Variants in SGCZ observed in about 807,000 individuals in gnomAD.
SGCZ encodes the protein sarcoglycan zeta.
Under a neutral mutation model 41.3 loss-of-function variants are expected in SGCZ, and 40 were observed. The ratio of observed to expected loss-of-function variants is 0.97; its 90% CI spans 0.75 to 1.26. The LOEUF (loss-of-function observed/expected upper bound fraction) is 1.26. Ranked by LOEUF, SGCZ falls within the 50% of genes most tolerant of loss-of-function variation. The pLI, the probability that SGCZ is intolerant of heterozygous loss-of-function variation, is 0.00. For synonymous variants in SGCZ, 206 were observed against 137.5 expected (o/e 1.50, Z -3.49); for missense variants, 552 against 369.8 (o/e 1.49, Z -4.04).
At chr8:15,069,641 T>C (rs900339875) in intron 1 of SGCZ, among the ~76,000 whole-genome samples, 1 of 152,214 alleles carries the variant, frequency 6.6e-6, no homozygotes, top group African/African-American at 2.4e-5. Context: ...AGCACTATCT[T>C]ACTTTTGCTT....
At chr8:14,158,894 G>C (rs1205338464) in intron 5 of SGCZ, among the ~76,000 whole-genome samples, 2 of 151,834 alleles carry the variant, frequency 1.3e-5, no homozygotes, top group Non-Finnish European at 2.9e-5. Flanking sequence ...TCAGCCTCTC[G>C]AGTAGCTGGG....
At chr8:14,658,819 T>A (rs1807657743) in intron 1 of SGCZ, among the ~76,000 whole-genome samples, 1 of 151,272 alleles carries the variant, frequency 6.6e-6, no homozygotes, top group Admixed American at 6.6e-5. Context: ...TAGAAGAGTA[T>A]CTAGCAGAGA....
intron 1 of SGCZ, among the ~76,000 whole-genome samples, chr8:14,878,802 G>A (rs369774251): frequency 1.3e-5 from 2 of 152,202 alleles, no homozygotes; most frequent in Admixed American, 6.5e-5. Flanking sequence ...GTAATGAGAA[G>A]AGGAGTGTGA....
At chr8:14,609,552 A>G (rs998067788) in intron 1 of SGCZ, among the ~76,000 whole-genome samples, 10 of 152,226 alleles carry the variant, frequency 6.6e-5, no homozygotes, top group Non-Finnish European at 8.8e-5. Flanking sequence ...TCCTCAATTT[A>G]TCAACACTAT....
chr8:14,639,453 A>G (rs911691610), intron 1 of SGCZ, among the ~76,000 whole-genome samples: 1 of 151,664 alleles, frequency 6.6e-6, no homozygotes, highest in African/African-American at 2.4e-5. Context: ...GATATTAGGA[A>G]TTACCAAGGG....
In SGCZ at chr8:14,645,946, T is replaced by C. The variant is rs74872035; in HGVS notation, c.40-91020A>G. Among the ~76,000 whole-genome samples, 590 of 151,932 alleles carry C rather than the reference T, an allele frequency of 3.9e-3. 6 individuals carry two copies. The highest frequency in any genetic ancestry group is 0.014 in the African/African-American group (570 of 41,514). On this transcript the variant is annotated intron_variant, in intron 1 of 7. Coordinates refer to ENST00000382080, the MANE Select transcript of SGCZ (RefSeq NM_139167.4). ...TGCTTTCTTCAACCTGTTCTCTTACTATGCACAACTTTATTCTATAAAAAC... is the reference window on the plus strand; with the variant it reads ...TGCTTTCTTCAACCTGTTCTCTTACCATGCACAACTTTATTCTATAAAAAC...
chr8:14,637,437 A>T lies in SGCZ; in HGVS notation c.40-82511T>A, dbSNP rs1588436. Among the ~76,000 whole-genome samples, 1,070 of 151,508 alleles carry T rather than the reference A, an allele frequency of 7.1e-3. 9 individuals are homozygous for T. Among genetic ancestry groups the T allele is most frequent in the African/African-American group, 0.025 (1,018 of 41,344 alleles). On this transcript the variant is annotated intron_variant, in intron 1 of 7. Transcript: ENST00000382080. ...ATCACTCAGATAATGAACATAGTAC[A>T]GAATAGGCGATTTTTCAACCCACAT...
intron 2 of SGCZ, among the ~76,000 whole-genome samples, chr8:14,327,534 T>C (rs1475816496): frequency 1.3e-5 from 2 of 152,274 alleles, no homozygotes; most frequent in Non-Finnish European, 2.9e-5. Context: ...TCTAACACAA[T>C]TGTAATTCCC....
chr8:14,695,015 A>G (rs981577471), intron 1 of SGCZ, among the ~76,000 whole-genome samples: 13 of 152,216 alleles, frequency 8.5e-5, no homozygotes, highest in South Asian at 2.1e-4. Flanking sequence ...GACAAGGGAT[A>G]AAAGAGCAGA....
intron 1 of SGCZ, among the ~76,000 whole-genome samples, chr8:15,083,409 T>A (rs1165766512): frequency 2.6e-5 from 4 of 152,212 alleles, no homozygotes; most frequent in African/African-American, 9.6e-5. Context: ...ATATCTAAGG[T>A]AAATTATTTG....
chr8:14,872,268 G>C (rs1032147000), intron 1 of SGCZ, among the ~76,000 whole-genome samples: 1 of 152,006 alleles, frequency 6.6e-6, no homozygotes, highest in African/African-American at 2.4e-5. Context: ...GTATACCTAT[G>C]TAACAAACCT....
intron 1 of SGCZ, among the ~76,000 whole-genome samples, chr8:14,961,469 A>T (rs1162435844): frequency 6.6e-6 from 1 of 152,082 alleles, no homozygotes; most frequent in East Asian, 1.9e-4. Flanking sequence ...CCATACAATA[A>T]GGTATTTTGA....
chr8:14,849,479 C>G (rs530280725), intron 1 of SGCZ, among the ~76,000 whole-genome samples: 67 of 152,078 alleles, frequency 4.4e-4, no homozygotes, highest in African/African-American at 1.6e-3. Flanking sequence ...TAAACAGAAT[C>G]AGAATAAACT....
chr8:14,491,960 A>G (rs967692240), intron 2 of SGCZ, among the ~76,000 whole-genome samples: 1 of 144,846 alleles, frequency 6.9e-6, no homozygotes, highest in African/African-American at 2.4e-5. Flanking sequence ...AAATTGTTCA[A>G]TAAATCTAAG....
chr8:14,574,888 G>A (rs2117240895), intron 1 of SGCZ, among the ~76,000 whole-genome samples: 1 of 152,090 alleles, frequency 6.6e-6, no homozygotes, highest in Middle Eastern at 3.4e-3. Context: ...GAGCAACACT[G>A]AAAAAATATG....
chr8:14,139,863 C>A (rs1286628007), intron 5 of SGCZ, among the ~76,000 whole-genome samples: 1 of 152,126 alleles, frequency 6.6e-6, no homozygotes, highest in Non-Finnish European at 1.5e-5. Flanking sequence ...GACACCAAAG[C>A]CTGGCAGAGA....
At chr8:14,611,265 T>A (rs896154435) in intron 1 of SGCZ, among the ~76,000 whole-genome samples, 21 of 152,186 alleles carry the variant, frequency 1.4e-4, no homozygotes, top group Admixed American at 1.4e-3. Flanking sequence ...ATGCCTATCA[T>A]TTTTATTCCC....
chr8:15,043,342 T>C (rs986021017), intron 1 of SGCZ, among the ~76,000 whole-genome samples: 1 of 152,180 alleles, frequency 6.6e-6, no homozygotes, highest in Non-Finnish European at 1.5e-5. Context: ...CCTTATATAA[T>C]TTTCAGTTAA....
chr8:14,695,587 T>G (rs1489651299), intron 1 of SGCZ, among the ~76,000 whole-genome samples: 1 of 152,086 alleles, frequency 6.6e-6, no homozygotes, highest in Non-Finnish European at 1.5e-5. Context: ...TTAATTATCT[T>G]CCTTACAGCA....
Sources: allele counts gnomAD v4.1 joint callset (sites outside exome capture counted in the v4.1 genomes callset), GRCh38; gene constraint gnomAD v4.1.1; transcripts MANE v1.5; gene names NCBI Gene and HGNC (gene_info 2026-07-23, HGNC 2026-07-21).